The following KDM3B variants were observed in gnomAD, a reference collection of about 807,000 sequenced individuals.
KDM3B encodes the protein lysine-specific demethylase 3B.
A neutral mutation model predicts 170.0 loss-of-function variants in KDM3B; 10 were observed. The ratio of observed to expected loss-of-function variants is 0.06; its 90% confidence interval spans 0.04 to 0.10. The LOEUF (loss-of-function observed/expected upper bound fraction) is 0.10, where lower values mean the gene tolerates loss of function less well. Among genes scored for constraint, KDM3B ranks in the 10% least tolerant of loss-of-function variants. The pLI is 1.00. For missense variants in KDM3B, 1,394 were observed against 2,195.2 expected, an observed-to-expected ratio of 0.64 and a Z score of 7.29; for synonymous variants, 831 against 834.8, an observed-to-expected ratio of 1.00 and a Z score of 0.08.
At chr5:138,426,438 G>C (rs889558922) in intron 17 of KDM3B, among the ~76,000 whole-genome samples, 1 of 151,830 alleles carries the variant, frequency 6.6e-6, no homozygotes, top group Non-Finnish European at 1.5e-5. Context: ...AGCCGGGCAT[G>C]GTGGCAGACA....
intron 1 of KDM3B, among the ~76,000 whole-genome samples, chr5:138,363,401 T>A (rs1247551740): frequency 6.6e-6 from 1 of 152,296 alleles, no homozygotes; most frequent in East Asian, 1.9e-4. Flanking sequence ...GGAGTCACAT[T>A]TGGGACTCCA....
chr5:138,365,238 C>T (rs1203688369), intron 1 of KDM3B, among the ~76,000 whole-genome samples: 1 of 152,100 alleles, frequency 6.6e-6, no homozygotes, highest in East Asian at 1.9e-4. Context: ...ATATACTTTA[C>T]ATTCATACAG....
chr5:138,428,218 G>C, intron 20 of KDM3B, 132 bp downstream of exon 20: 4 of 923,740 alleles, frequency 4.3e-6, no homozygotes, highest in East Asian at 2.6e-5. Flanking sequence ...TTTTTTTTTG[G>C]GGGGCGGGGA....
At chr5:138,426,247 C>A (rs1019849184) in intron 17 of KDM3B, among the ~76,000 whole-genome samples, 1 of 152,080 alleles carries the variant, frequency 6.6e-6, no homozygotes, top group East Asian at 1.9e-4. Context: ...CCCACCTTGT[C>A]CATTATGGGG....
At chr5:138,368,104 T>A (rs546947573) in intron 1 of KDM3B, among the ~76,000 whole-genome samples, 1 of 152,256 alleles carries the variant, frequency 6.6e-6, no homozygotes, top group East Asian at 1.9e-4. Flanking sequence ...TCTGACTCAA[T>A]CCAATCACTA....
Position 138,352,934 on chromosome 5 carries a change from TG to T in KDM3B, c.141del (p.Trp47CysfsTer9). 7.6e-7 allele frequency: 1 copy of T among 1,313,280 alleles called. No homozygotes were observed. Among genetic ancestry groups the T allele is most frequent in the Non-Finnish European group, 9.7e-7 (1 of 1,033,558 alleles). 81.4% of individuals were successfully genotyped at this position (1,313,280 alleles called of 1,614,324 possible). ...DPGPALRTRA[W>X]RAGTVRAMSG... is the part of the protein sequence containing the mutation. Reference sequence around the variant, plus strand: ...GGGGCCTGCGCTGCGCACTCGAGCCTGGCGGGCCGGCACGGTGCGGGCCATG... The same window carrying T: ...GGGGCCTGCGCTGCGCACTCGAGCCTGCGGGCCGGCACGGTGCGGGCCATG... On this transcript the variant is annotated frameshift_variant, in exon 1 of 24. Transcript: ENST00000314358. LOFTEE classifies it high-confidence loss of function.
chr5:138,389,280 CAG>C (rs1762360862), intron 7 of KDM3B, among the ~76,000 whole-genome samples: 2 of 152,338 alleles, frequency 1.3e-5, no homozygotes, highest in East Asian at 3.9e-4. Flanking sequence ...GTAGCAGAGA[CAG>C]AGGCAAGCCT....
At position 138,386,498 on chromosome 5, in the gene KDM3B, T is replaced by A; in HGVS notation, c.1257T>A (p.Ala419=). 6.2e-7 allele frequency: 1 copy of A among 1,614,168 alleles called. No individual in the cohort carries two copies. Among genetic ancestry groups the A allele is most frequent in the Non-Finnish European group, 8.5e-7 (1 of 1,180,026 alleles). ...AACAAGTTGGCCAGGGCATAGTGGCTTCCGCAGCTGTGGTCACTACCGCCA... is the reference window on the plus strand; with the variant it reads ...AACAAGTTGGCCAGGGCATAGTGGCATCCGCAGCTGTGGTCACTACCGCCA... ...TLEQVGQGIV[A]SAAVVTTASS... The change falls in exon 7 of 24, where the codon GCT becomes GCA. Residue 419 remains alanine, a synonymous_variant. Coordinates refer to ENST00000314358, the MANE Select transcript of KDM3B (RefSeq NM_016604.4).
Position 138,427,180 on chromosome 5 carries a change from CT to C in KDM3B, c.4503-5del. The C allele has an allele frequency of 6.2e-7, 1 of 1,610,358 alleles. No individual in the cohort carries two copies. Among genetic ancestry groups the C allele is most frequent in the South Asian group, 1.1e-5 (1 of 91,040 alleles). On this transcript the variant is annotated splice_polypyrimidine_tract_variant and splice_region_variant and intron_variant, in intron 18 of 23. Transcript: ENST00000314358. ...AACAAGCTAAGTCATCTTTCCTGCA[CT>C]TTTATAGGTTTGAAGATCTGATGGA...
chr5:138,394,788 C>A (rs1462185774), intron 9 of KDM3B, among the ~76,000 whole-genome samples: 1 of 152,116 alleles, frequency 6.6e-6, no homozygotes, highest in Non-Finnish European at 1.5e-5. Context: ...GCCACTTTGG[C>A]CACCTTTTTG....
chr5:138,365,368 C>T (rs1017910545), intron 1 of KDM3B, among the ~76,000 whole-genome samples: 7 of 152,232 alleles, frequency 4.6e-5, no homozygotes, highest in East Asian at 3.9e-4. Context: ...AGCGATTCTC[C>T]TGCCTCAGCC....
intron 13 of KDM3B, 123 bp downstream of exon 13, chr5:138,417,733 A>G: frequency 1.0e-6 from 1 of 975,748 alleles, no homozygotes; most frequent in Non-Finnish European, 1.6e-6. Flanking sequence ...GGAGATGGAG[A>G]AGCCTTTCTA....
chr5:138,380,238 C>T (rs1441872503), intron 5 of KDM3B, among the ~76,000 whole-genome samples: 1 of 151,670 alleles, frequency 6.6e-6, no homozygotes, highest in Non-Finnish European at 1.5e-5. Context: ...CCGCCCACCT[C>T]AGCCTCCCAA....
At chr5:138,410,294 A>G (rs1221735407) in intron 11 of KDM3B, among the ~76,000 whole-genome samples, 1 of 152,196 alleles carries the variant, frequency 6.6e-6, no homozygotes, top group African/African-American at 2.4e-5. Context: ...GTCAAGTTGA[A>G]GGACTTGTAC....
chr5:138,371,572 A>C (rs1761876524), intron 1 of KDM3B, among the ~76,000 whole-genome samples: 1 of 152,160 alleles, frequency 6.6e-6, no homozygotes, highest in Non-Finnish European at 1.5e-5. Context: ...AGTATATTTC[A>C]AGAAGTGGAG....
At chr5:138,423,232 C>A (rs1348658227) in intron 15 of KDM3B, among the ~76,000 whole-genome samples, 1 of 152,244 alleles carries the variant, frequency 6.6e-6, no homozygotes, top group African/African-American at 2.4e-5. Flanking sequence ...CAGGCATGAG[C>A]CACCGTGCCC....
At chr5:138,365,720 CA>C in intron 1 of KDM3B, among the ~76,000 whole-genome samples, 1 of 151,686 alleles carries the variant, frequency 6.6e-6, no homozygotes, top group Non-Finnish European at 1.5e-5. Context: ...TATTTTAGTC[CA>C]GGGGCAGTGG....
chr5:138,418,664 G>A (rs1021365649), intron 13 of KDM3B, among the ~76,000 whole-genome samples: 4 of 152,114 alleles, frequency 2.6e-5, no homozygotes, highest in Non-Finnish European at 4.4e-5. Flanking sequence ...ACAGCACTAC[G>A]AGGTCATTTA....
chr5:138,357,938 C>T (rs796492573), intron 1 of KDM3B, among the ~76,000 whole-genome samples: 17 of 149,976 alleles, frequency 1.1e-4, no homozygotes, highest in East Asian at 4.0e-4. Flanking sequence ...CCACCCACCT[C>T]GGCCTCCCAA....
Sources: allele counts gnomAD v4.1 joint callset (sites outside exome capture counted in the v4.1 genomes callset), GRCh38; gene constraint gnomAD v4.1.1; transcripts MANE v1.5; gene names NCBI Gene and HGNC (gene_info 2026-07-23, HGNC 2026-07-21).